Variants in NOTCH4 observed in about 807,000 individuals in gnomAD.
The protein encoded by NOTCH4 is neurogenic locus notch homolog protein 4.
NOTCH4 carries 138 observed loss-of-function variants against 189.0 expected under a neutral mutation model. The ratio of observed to expected loss-of-function variants is 0.73; its 90% confidence interval spans 0.64 to 0.84. The LOEUF is 0.84. NOTCH4 is among the 40% of genes least tolerant of loss of function. NOTCH4 has a pLI of 0.00. For missense variants in NOTCH4, 2,286 were observed against 2,605.4 expected, an observed-to-expected ratio of 0.88 and a Z score of 2.67; for synonymous variants, 942 against 1,032.8, an observed-to-expected ratio of 0.91 and a Z score of 1.69.
In NOTCH4 at chr6:32,212,440, C is replaced by T; in HGVS notation, c.2680+34G>A. 1 of 1,567,368 alleles carries T rather than the reference C, an allele frequency of 6.4e-7. No homozygotes were observed. The highest frequency in any genetic ancestry group is 8.6e-7 in the Non-Finnish European group (1 of 1,156,916). On this transcript the variant is annotated intron_variant, in intron 17 of 29. Coordinates refer to ENST00000375023, the MANE Select transcript of NOTCH4 (RefSeq NM_004557.4). The surrounding 1 kb of genome is among the most constrained non-coding windows in gnomAD (Gnocchi z 4.4). ...CAGGTGAGAACACCCATATTTTCTT[C>T]ATTTGCTCTCCAGTCAGTGCCGGCG...
At position 32,206,511 on chromosome 6, in the gene NOTCH4, A is replaced by G. The variant is rs6925353; in HGVS notation, c.2866-2122T>C. ...AACCAAAGAAGTGAAAGAGTACTGC[A>G]ATGACAGCTATAAAACATTGATGAA... On this transcript the variant is annotated intron_variant, in intron 18 of 29. Coordinates refer to ENST00000375023, the MANE Select transcript of NOTCH4 (RefSeq NM_004557.4). Among the ~76,000 whole-genome samples, 643 of 152,276 alleles carry G rather than the reference A, an allele frequency of 4.2e-3. 8 individuals carry two copies. Among genetic ancestry groups the G allele is most frequent in the Non-Finnish European group, 4.0e-3 (272 of 68,040 alleles).
In NOTCH4 at chr6:32,202,325, C is replaced by A. The variant is rs748069011; in HGVS notation, c.3506G>T (p.Arg1169Leu). The A allele has an allele frequency of 6.2e-7, 1 of 1,612,706 alleles. No homozygotes were observed. The highest frequency in any genetic ancestry group is 8.5e-7 in the Non-Finnish European group (1 of 1,179,846). ...CSCPHSSPGPRCQKPGAKGCE... is the reference protein window; with the variant it reads ...CSCPHSSPGPLCQKPGAKGCE... ...CCCCTTGGCTCCGGGTTTCTGACAC[C>A]GGGGCCCTGGAGAGCTGTGAGGGCA... Residue 1169 changes from arginine (R) to leucine (L), a missense_variant, in exon 21 of 30, where the codon CGG (arginine) becomes CTG (leucine). Coordinates refer to ENST00000375023, the MANE Select transcript of NOTCH4 (RefSeq NM_004557.4). The surrounding 1 kb of genome is among the most constrained non-coding windows in gnomAD (Gnocchi z 5.7).
chr6:32,203,905 A>C, intron 19 of NOTCH4, 23 bp from the exon 20 acceptor site: 1 of 1,538,410 alleles, frequency 6.5e-7, no homozygotes, highest in Admixed American at 2.0e-5. Context: ...GGGAGATTAG[A>C]TGTCACACAC....
At position 32,202,620 on chromosome 6, in the gene NOTCH4, A is replaced by T. The variant is rs746722259; in HGVS notation, c.3232-21T>A. On this transcript the variant is annotated intron_variant, in intron 20 of 29. Transcript: ENST00000375023. This position sits in a 1 kb window ranked among gnomAD's most constrained non-coding sequence, Gnocchi z 5.7. ...AAACCCTGTGGAGGGGAGGGGAGATATTGGAGATGCAACTTGCATTATTCT... is the reference window on the plus strand; with the variant it reads ...AAACCCTGTGGAGGGGAGGGGAGATTTTGGAGATGCAACTTGCATTATTCT... 6.4e-7 allele frequency: 1 copy of T among 1,550,764 alleles called. No individual in the cohort carries two copies.
chr6:32,218,006 A>C lies in NOTCH4; in HGVS notation c.1613T>G (p.Ile538Ser), dbSNP rs1032697075. Residue 538 changes from isoleucine to serine, a missense_variant, in exon 9 of 30, where the codon ATC becomes AGC. By Grantham distance (142) the Ile-to-Ser change is moderately radical. Coordinates refer to ENST00000375023, the MANE Select transcript of NOTCH4 (RefSeq NM_004557.4). ...GCATCTGTACTCACCAGGCAGGCAGATGCACTGGAAGCCGTTGAGCAGGTC... is the reference window on the plus strand; with the variant it reads ...GCATCTGTACTCACCAGGCAGGCAGCTGCACTGGAAGCCGTTGAGCAGGTC... ...CHDLLNGFQC[I>S]CLPGFSGTRC... 1 of 1,611,974 alleles carries C rather than the reference A, an allele frequency of 6.2e-7. No homozygotes were observed. The highest frequency in any genetic ancestry group is 8.5e-7 in the Non-Finnish European group (1 of 1,178,122).
chr6:32,198,440 G>C lies in NOTCH4; in HGVS notation c.4737C>G (p.Asp1579Glu). Residue 1579 changes from aspartate to glutamate, a missense_variant, in exon 26 of 30, where the codon GAC (aspartate) becomes GAG (glutamate). Around this residue, in one of 2 missense-constraint regions of NOTCH4, gnomAD observed 1,903 missense variants for 2,261.9 expected, o/e 0.84. Coordinates refer to ENST00000375023, the MANE Select transcript of NOTCH4 (RefSeq NM_004557.4). The surrounding 1 kb of genome is among the most constrained non-coding windows in gnomAD (Gnocchi z 5.5). ...ACATACCAGGTCCACGGGTGTCCAGGTCAGGGGCTTCCATCTCAGATTCCT... is the reference window on the plus strand; with the variant it reads ...ACATACCAGGTCCACGGGTGTCCAGCTCAGGGGCTTCCATCTCAGATTCCT... ...PPQESEMEAP[D>E]LDTRGPDGVT... 1 of 1,612,870 alleles carries C rather than the reference G, an allele frequency of 6.2e-7. No homozygotes were observed.
At position 32,217,377 on chromosome 6, in the gene NOTCH4, C is replaced by T. The variant is rs1789482062; in HGVS notation, c.1625-111G>A. 1 of 687,406 alleles carries T rather than the reference C, an allele frequency of 1.5e-6. No individual in the cohort carries two copies. The highest frequency in any genetic ancestry group is 1.7e-5 in the South Asian group (1 of 57,634). 42.6% of individuals were successfully genotyped at this position (687,406 alleles called of 1,614,324 possible). ...AACTTGCAGAGCTTCCCAGAGAAGA[C>T]ACCTGGGGCAGGTGAGCGTGGGGTG... On this transcript the variant is annotated intron_variant, in intron 9 of 29. Coordinates refer to ENST00000375023, the MANE Select transcript of NOTCH4 (RefSeq NM_004557.4). This position sits in a 1 kb window ranked among gnomAD's most constrained non-coding sequence, Gnocchi z 4.2.
At position 32,199,895 on chromosome 6, in the gene NOTCH4, A is replaced by C. The variant is rs1022192495; in HGVS notation, c.4316-750T>G. On this transcript the variant is annotated intron_variant, in intron 23 of 29. Coordinates refer to ENST00000375023, the MANE Select transcript of NOTCH4 (RefSeq NM_004557.4). This position sits in a 1 kb window ranked among gnomAD's most constrained non-coding sequence, Gnocchi z 4.9. ...GACTGTCTCAGAAAACAAACACACA[A>C]AAAAAGGCTGAGTATCCATAACCCC... Among the ~76,000 whole-genome samples the C allele has an allele frequency of 7.0e-5, 10 of 142,458 alleles. No individual in the cohort carries two copies. Among genetic ancestry groups the C allele is most frequent in the East Asian group, 2.0e-4 (1 of 4,960 alleles). 93.5% of individuals were successfully genotyped at this position (142,458 alleles called of 152,430 possible). A position where few individuals can be genotyped will look rare whatever the true frequency, so the allele number is the denominator to read the frequency against.
At position 32,219,771 on chromosome 6, in the gene NOTCH4, C is replaced by A; in HGVS notation, c.1331G>T (p.Ser444Ile). ...GCAGGAACCGCCATGTTCACAGGGA[C>A]TTGGGCCTTGCTGGGCTGGGAGGAG... Reference protein sequence around the residue: ...DECLMAQQGPSPCEHGGSCLN... With the variant: ...DECLMAQQGPIPCEHGGSCLN... Residue 444 changes from serine (S) to isoleucine (I), a missense_variant, in exon 8 of 30, where the codon AGT becomes ATT. Ser to Ile is a moderately radical substitution (Grantham distance 142). Around this residue, in one of 2 missense-constraint regions of NOTCH4, gnomAD observed 1,903 missense variants for 2,261.9 expected, o/e 0.84. Transcript: ENST00000375023. The A allele has an allele frequency of 1.9e-6, 3 of 1,612,454 alleles. No individual in the cohort carries two copies. Among genetic ancestry groups the A allele is most frequent in the Non-Finnish European group, 2.5e-6 (3 of 1,179,756 alleles).
rs1181355149 is a variant in NOTCH4 at position 32,200,500 on chromosome 6, C to T, written c.4315+331G>A. 6.6e-6 allele frequency among the ~76,000 whole-genome samples: 1 copy of T among 152,208 alleles called. No homozygotes were observed. The highest frequency in any genetic ancestry group is 1.5e-5 in the Non-Finnish European group (1 of 68,046). On this transcript the variant is annotated intron_variant, in intron 23 of 29. Transcript: ENST00000375023. This position sits in a 1 kb window ranked among gnomAD's most constrained non-coding sequence, Gnocchi z 5.0. ...CTGGGATTATAGGCATGAGCCACTG[C>T]GCCCAGCCTATTATTCTTTCATGTA...
At position 32,200,845 on chromosome 6, in the gene NOTCH4, G is replaced by A; in HGVS notation, c.4301C>T (p.Pro1434Leu). Residue 1434 changes from proline to leucine, a missense_variant, in exon 23 of 30, where the codon CCT (proline) becomes CTT (leucine). Pro to Leu is a moderately conservative substitution (Grantham distance 98). Around this residue, in one of 2 missense-constraint regions of NOTCH4, gnomAD observed 1,903 missense variants for 2,261.9 expected, o/e 0.84. Coordinates refer to ENST00000375023, the MANE Select transcript of NOTCH4 (RefSeq NM_004557.4). The surrounding 1 kb of genome is among the most constrained non-coding windows in gnomAD (Gnocchi z 5.0). ...GGGTCACCTACCGGTCCCTGCATGAGGGTGGACAGCCAGCAGTGGTCCAGG... is the reference window on the plus strand; with the variant it reads ...GGGTCACCTACCGGTCCCTGCATGAAGGTGGACAGCCAGCAGTGGTCCAGG... ...LLPGPLLAVH[P>L]HAGTAPPANQ... The A allele has an allele frequency of 1.2e-6, 2 of 1,606,854 alleles. No homozygotes were observed. The highest frequency in any genetic ancestry group is 1.7e-6 in the Non-Finnish European group (2 of 1,177,208).
Position 32,195,511 on chromosome 6 carries a change from A to T in NOTCH4, c.5938T>A (p.Ser1980Thr), listed in dbSNP as rs758349186. The T allele has an allele frequency of 6.2e-7, 1 of 1,613,000 alleles. No individual in the cohort carries two copies. The highest frequency in any genetic ancestry group is 8.5e-7 in the Non-Finnish European group (1 of 1,179,984). ...PCLTPSPERG[S>T]PQLDCGPPAL... is the part of the protein sequence containing the mutation. ...GGGGGACCACAGTCAAGTTGAGGTG[A>T]TCCCCGCTCCGGGGACGGAGTAAGG... is the stretch of plus-strand genomic sequence containing the variant. The change falls in exon 30 of 30, where the codon TCA becomes ACA. Residue 1980 changes from serine to threonine, a missense_variant. Physicochemically the swap from Ser to Thr is moderately conservative, Grantham distance 58. This residue lies in a region of NOTCH4 where 383 missense variants were observed against 343.5 expected (regional missense o/e 1.11). Transcript: ENST00000375023. The surrounding 1 kb of genome is among the most constrained non-coding windows in gnomAD (Gnocchi z 5.4).
In NOTCH4 at chr6:32,220,440, C is replaced by A. The variant is rs1342462442; in HGVS notation, c.1124G>T (p.Gly375Val). 1.2e-6 allele frequency: 2 copies of A among 1,613,976 alleles called. No homozygotes were observed. The highest frequency in any genetic ancestry group is 2.2e-5 in the East Asian group (1 of 44,872). The change falls in exon 6 of 30, where the codon GGC becomes GTC. Residue 375 changes from glycine to valine, a missense_variant. Transcript: ENST00000375023. ...APGSTCIDRV[G>V]SFSCLCPPGR... ...AGGTGGGCAGAGGCAGGAGAAAGAG[C>A]CCACCCGGTCAATGCAGGTGGATCC... is the stretch of plus-strand genomic sequence containing the variant.
Position 32,212,315 on chromosome 6 carries a change from A to C in NOTCH4, c.2680+159T>G, listed in dbSNP as rs1346391659. On this transcript the variant is annotated intron_variant, in intron 17 of 29. Coordinates refer to ENST00000375023, the MANE Select transcript of NOTCH4 (RefSeq NM_004557.4). This position sits in a 1 kb window ranked among gnomAD's most constrained non-coding sequence, Gnocchi z 4.4. Reference sequence around the variant, plus strand: ...TGTGTTAGGCTTCTCTGATTGCACAATTCAACACCTCTGCAATCAAGAACT... The same window carrying C: ...TGTGTTAGGCTTCTCTGATTGCACACTTCAACACCTCTGCAATCAAGAACT... Among the ~76,000 whole-genome samples, 1 of 152,146 alleles carries C rather than the reference A, an allele frequency of 6.6e-6. No individual in the cohort carries two copies. The highest frequency in any genetic ancestry group is 2.4e-5 in the African/African-American group (1 of 41,430).
rs755461266 is a variant in NOTCH4, at chr6:32,202,595, A to G, written c.3236T>C (p.Phe1079Ser). Residue 1079 changes from phenylalanine to serine, a missense_variant, in exon 21 of 30, where the codon TTT becomes TCT. By Grantham distance (155) the Phe-to-Ser change is radical. Around this residue, in one of 2 missense-constraint regions of NOTCH4, gnomAD observed 1,903 missense variants for 2,261.9 expected, o/e 0.84. Coordinates refer to ENST00000375023, the MANE Select transcript of NOTCH4 (RefSeq NM_004557.4). This position sits in a 1 kb window ranked among gnomAD's most constrained non-coding sequence, Gnocchi z 5.7. ...CCTGTGGCTGCAGGTGGGGCCTTCAAAACCCTGTGGAGGGGAGGGGAGATA... is the reference window on the plus strand; with the variant it reads ...CCTGTGGCTGCAGGTGGGGCCTTCAGAACCCTGTGGAGGGGAGGGGAGATA... ...LGFICHCPKG[F>S]EGPTCSHRAP... 6.3e-7 allele frequency: 1 copy of G among 1,585,926 alleles called. No homozygotes were observed. The highest frequency in any genetic ancestry group is 1.1e-5 in the South Asian group (1 of 89,746).
At chr6:32,222,841 G>T (rs1239972929) in intron 2 of NOTCH4, 35 bp from the exon 3 acceptor site, 11 of 1,604,762 alleles carry the variant, frequency 6.9e-6, no homozygotes, top group Admixed American at 3.5e-5. Context: ...TCACATCACT[G>T]GTCCCTCTTC....
intron 27 of NOTCH4, 73 bp from the exon 28 acceptor site, chr6:32,197,145 C>G: frequency 4.5e-6 from 7 of 1,561,358 alleles, no homozygotes; most frequent in Non-Finnish European, 6.1e-6. Context: ...ACTATTAACC[C>G]CACTCGCAAT....
chr6:32,219,336 A>G lies in NOTCH4; in HGVS notation c.1510+256T>C, dbSNP rs116721225. Among the ~76,000 whole-genome samples, 276 of 152,212 alleles carry G rather than the reference A, an allele frequency of 1.8e-3. 3 individuals are homozygous for G. The highest frequency in any genetic ancestry group is 6.3e-3 in the African/African-American group (263 of 41,538). ...CTGTGTACAGTGGACCAGGTTGTGC[A>G]GCCTCTATGATGACTATGAAATGAA... On this transcript the variant is annotated intron_variant, in intron 8 of 29. Coordinates refer to ENST00000375023, the MANE Select transcript of NOTCH4 (RefSeq NM_004557.4).
chr6:32,208,531 G>A (rs149001409), intron 18 of NOTCH4, among the ~76,000 whole-genome samples: 4,043 of 152,244 alleles, frequency 0.027, 60 homozygotes, highest in African/African-American at 0.04. Context: ...TCAGGAGTTC[G>A]AGACCATCCT....
Sources: gnomAD v4.1 joint callset for allele counts (sites outside exome capture counted in the v4.1 genomes callset) on GRCh38, gnomAD v4.1.1 for gene constraint, gnomAD v4.1.1 regional missense constraint, Gnocchi (gnomAD v3.1) non-coding constraint, MANE v1.5 for transcripts, NCBI Gene and HGNC (gene_info 2026-07-23, HGNC 2026-07-21) for gene names.